The following ATP8B4 variants were observed in gnomAD, a reference collection of about 807,000 sequenced individuals.
The protein encoded by ATP8B4 is probable phospholipid-transporting ATPase IM.
ATP8B4 carries 133 observed loss-of-function variants against 145.6 expected under a neutral mutation model. That is an observed-to-expected ratio of 0.91 (90% confidence interval 0.79 to 1.05). The LOEUF (loss-of-function observed/expected upper bound fraction) is 1.05, where lower values mean the gene tolerates loss of function less well. ATP8B4 is among the 50% of genes least tolerant of loss of function. ATP8B4 has a pLI of 0.00. For synonymous variants in ATP8B4, 507 were observed against 492.9 expected (o/e 1.03, Z -0.38); for missense variants, 1,458 against 1,425.2 (o/e 1.02, Z -0.37).
chr15:50,024,374 G>C (rs2049848560), intron 6 of ATP8B4, among the ~76,000 whole-genome samples: 1 of 151,992 alleles, frequency 6.6e-6, no homozygotes, highest in Non-Finnish European at 1.5e-5. Context: ...ATGGTTTCCA[G>C]ACCTACTCTC....
At chr15:50,095,137 G>T (rs1437058076) in intron 2 of ATP8B4, among the ~76,000 whole-genome samples, 4 of 152,108 alleles carry the variant, frequency 2.6e-5, no homozygotes, top group African/African-American at 9.7e-5. Flanking sequence ...ACTACATGTT[G>T]CAGGGTCAAA....
chr15:50,151,918 CTATA>C (rs1366147443), intron 1 of ATP8B4, among the ~76,000 whole-genome samples: 1 of 152,006 alleles, frequency 6.6e-6, no homozygotes, highest in Non-Finnish European at 1.5e-5. Flanking sequence ...ATGTTGTAAA[CTATA>C]GACAGCTTAA....
At chr15:50,105,787 G>C (rs147205393) in intron 2 of ATP8B4, among the ~76,000 whole-genome samples, 287 of 152,196 alleles carry the variant, frequency 1.9e-3, no homozygotes, top group Non-Finnish European at 3.0e-3. Flanking sequence ...TACTGTTTAA[G>C]AGAATAAGAC....
intron 14 of ATP8B4, among the ~76,000 whole-genome samples, chr15:49,941,559 T>C (rs964410038): frequency 1.1e-4 from 17 of 152,108 alleles, no homozygotes; most frequent in Admixed American, 6.6e-5. Context: ...AAAAAACCTT[T>C]ATTGAAAAGG....
intron 13 of ATP8B4, 74 bp from the exon 14 acceptor site, chr15:49,962,094 A>G (rs1286314592): frequency 8.7e-7 from 1 of 1,149,674 alleles, no homozygotes; most frequent in Non-Finnish European, 1.3e-6. Context: ...TTTAAGGAAT[A>G]CACTTATTAT....
chr15:50,071,329 CTG>C lies in ATP8B4; in HGVS notation c.87+2796_87+2797del, dbSNP rs1470233599. Among the ~76,000 whole-genome samples the C allele has an allele frequency of 3.0e-4, 46 of 152,278 alleles. No individual in the cohort carries two copies. The East Asian group carries it at 8.3e-3, about 27-fold the overall frequency. On this transcript the variant is annotated intron_variant, in intron 3 of 27. Coordinates refer to ENST00000284509, the MANE Select transcript of ATP8B4 (RefSeq NM_024837.4). ...GTATGTTGTTATTCCCCGTGCTTCT[CTG>C]TGAGTCTGCAATATTCCATTAATTA...
intron 1 of ATP8B4, among the ~76,000 whole-genome samples, chr15:50,138,086 T>C (rs979788894): frequency 1.6e-4 from 25 of 152,128 alleles, no homozygotes; most frequent in Admixed American, 1.2e-3. Flanking sequence ...GTAAACCACA[T>C]TGGGATAGCT....
At chr15:50,141,217 T>C (rs554581169) in intron 1 of ATP8B4, among the ~76,000 whole-genome samples, 1 of 152,264 alleles carries the variant, frequency 6.6e-6, no homozygotes, top group African/African-American at 2.4e-5. Flanking sequence ...CCTGTTTGGC[T>C]GCCCCTACAG....
At chr15:49,911,525 C>T (rs948400006) in intron 20 of ATP8B4, among the ~76,000 whole-genome samples, 1 of 151,844 alleles carries the variant, frequency 6.6e-6, no homozygotes, top group Non-Finnish European at 1.5e-5. Flanking sequence ...ACTGAAGTAC[C>T]CAGATATATA....
intron 2 of ATP8B4, among the ~76,000 whole-genome samples, chr15:50,076,091 T>C (rs1285912972): frequency 1.3e-5 from 2 of 152,240 alleles, no homozygotes; most frequent in South Asian, 2.1e-4. Context: ...ATGATGATCC[T>C]TCTAAAATTT....
At chr15:50,073,003 TATATATATATATATATACACACAC>T (rs1236859614) in intron 3 of ATP8B4, among the ~76,000 whole-genome samples, 9 of 59,926 alleles carry the variant, frequency 1.5e-4, no homozygotes, top group Non-Finnish European at 2.3e-4. Flanking sequence ...TATATATATA[TATATATATATATATATACACACAC>T]ACACACACAC....
chr15:49,902,914 G>T (rs895247700), intron 20 of ATP8B4, among the ~76,000 whole-genome samples: 7 of 152,202 alleles, frequency 4.6e-5, no homozygotes, highest in African/African-American at 1.7e-4. Flanking sequence ...CTGTATAAAT[G>T]ACTCAATCTG....
At chr15:50,039,872 A>G (rs1406998048) in intron 5 of ATP8B4, among the ~76,000 whole-genome samples, 3 of 152,274 alleles carry the variant, frequency 2.0e-5, no homozygotes, top group Admixed American at 1.3e-4. Flanking sequence ...AATGACAGGT[A>G]TAAGTTAATA....
chr15:49,977,417 CT>C (rs956376476), intron 12 of ATP8B4, among the ~76,000 whole-genome samples: 4 of 151,874 alleles, frequency 2.6e-5, no homozygotes, highest in African/African-American at 7.3e-5. Flanking sequence ...ACTCTAGACT[CT>C]TTTTTTTCTT....
At chr15:49,993,610 A>G (rs991246222) in intron 9 of ATP8B4, among the ~76,000 whole-genome samples, 1 of 152,092 alleles carries the variant, frequency 6.6e-6, no homozygotes, top group African/African-American at 2.4e-5. Context: ...TATTGTTTCT[A>G]ATTTATTTTC....
intron 12 of ATP8B4, among the ~76,000 whole-genome samples, chr15:49,976,436 G>A (rs577924314): frequency 5.7e-4 from 86 of 151,982 alleles, no homozygotes; most frequent in Non-Finnish European, 9.9e-4. Flanking sequence ...TTACCAACAG[G>A]GACATTAAGA....
chr15:49,980,869 T>C (rs781665443), intron 11 of ATP8B4, among the ~76,000 whole-genome samples: 17 of 152,226 alleles, frequency 1.1e-4, no homozygotes, highest in Non-Finnish European at 2.9e-5. Context: ...ATAAGCTATG[T>C]ATACAGGATC....
chr15:50,072,989 T>C (rs113555068), intron 3 of ATP8B4, among the ~76,000 whole-genome samples: 48 of 20,274 alleles, frequency 2.4e-3, no homozygotes, highest in Non-Finnish European at 3.4e-3. Flanking sequence ...TCTATATATA[T>C]ATATATATAT....
intron 6 of ATP8B4, among the ~76,000 whole-genome samples, chr15:50,013,506 T>C (rs2153573476): frequency 6.6e-6 from 1 of 152,292 alleles, no homozygotes; most frequent in South Asian, 2.1e-4. Context: ...CATCATATAA[T>C]TATTTCAGAG....
Sources: gnomAD v4.1 joint callset for allele counts (sites outside exome capture counted in the v4.1 genomes callset) on GRCh38, gnomAD v4.1.1 for gene constraint, MANE v1.5 for transcripts, NCBI Gene and HGNC (gene_info 2026-07-23, HGNC 2026-07-21) for gene names.